Variants in CPEB1 observed in about 807,000 individuals in gnomAD.
The protein encoded by CPEB1 is cytoplasmic polyadenylation element-binding protein 1.
Under a neutral mutation model 65.8 loss-of-function variants are expected in CPEB1, and 7 were observed. The ratio of observed to expected loss-of-function variants is 0.11; its 90% confidence interval spans 0.06 to 0.20. The LOEUF is 0.20. Among genes scored for constraint, CPEB1 ranks in the 10% least tolerant of loss-of-function variants. The pLI, the probability that CPEB1 is intolerant of heterozygous loss-of-function variation, is 1.00. For missense variants in CPEB1, 551 were observed against 712.2 expected, an observed-to-expected ratio of 0.77 and a Z score of 2.58; for synonymous variants, 262 against 260.0, an observed-to-expected ratio of 1.01 and a Z score of -0.08.
chr15:82,644,974 T>C (rs2151398658), intron 1 of CPEB1, among the ~76,000 whole-genome samples: 2 of 152,294 alleles, frequency 1.3e-5, no homozygotes, highest in South Asian at 4.1e-4. Flanking sequence ...CATAGAACCA[T>C]TCCTGTATCA....
chr15:82,603,651 T>C (rs1258355597), intron 3 of CPEB1, among the ~76,000 whole-genome samples: 1 of 152,172 alleles, frequency 6.6e-6, no homozygotes, highest in Admixed American at 6.5e-5. Flanking sequence ...TGGCTCAGTG[T>C]GGAGGGCATA....
chr15:82,565,346 A>G (rs2038950374), intron 4 of CPEB1, among the ~76,000 whole-genome samples: 1 of 152,232 alleles, frequency 6.6e-6, no homozygotes. Context: ...TCATTTCAAG[A>G]AAGAAAACCT....
At chr15:82,646,500 G>A (rs1441845146) in intron 1 of CPEB1, among the ~76,000 whole-genome samples, 1 of 152,120 alleles carries the variant, frequency 6.6e-6, no homozygotes, top group African/African-American at 2.4e-5. Flanking sequence ...GGGCCTGGCG[G>A]GAGGCACCCC....
intron 6 of CPEB1, among the ~76,000 whole-genome samples, chr15:82,555,460 T>G (rs1240259046): frequency 6.6e-6 from 1 of 152,186 alleles, no homozygotes; most frequent in Non-Finnish European, 1.5e-5. Flanking sequence ...CCAGCATGAG[T>G]TGTGTCTGAT....
intron 3 of CPEB1, among the ~76,000 whole-genome samples, chr15:82,582,570 G>T (rs933976848): frequency 1.2e-4 from 18 of 152,008 alleles, no homozygotes; most frequent in African/African-American, 4.3e-4. Flanking sequence ...GGGACTAACT[G>T]ATCCCCTGAC....
At chr15:82,556,953 A>G (rs1014993250) in intron 5 of CPEB1, among the ~76,000 whole-genome samples, 3 of 152,216 alleles carry the variant, frequency 2.0e-5, no homozygotes, top group African/African-American at 7.2e-5. Context: ...AGGTGGTAAA[A>G]TAAGTAATTC....
chr15:82,575,216 A>G (rs1038124193), intron 3 of CPEB1, among the ~76,000 whole-genome samples: 1 of 152,228 alleles, frequency 6.6e-6, no homozygotes, highest in Non-Finnish European at 1.5e-5. Flanking sequence ...CCAGACTTAA[A>G]GCAATTCATT....
At chr15:82,555,763 G>A (rs2037089904) in intron 6 of CPEB1, 107 bp downstream of exon 6, 1 of 1,204,362 alleles carries the variant, frequency 8.3e-7, no homozygotes. Flanking sequence ...ACTTCACCAT[G>A]CAACCAAGCC....
chr15:82,642,639 C>T (rs866590094), intron 1 of CPEB1, among the ~76,000 whole-genome samples: 3 of 152,176 alleles, frequency 2.0e-5, no homozygotes, highest in Admixed American at 6.5e-5. Context: ...ACAAGAGAAG[C>T]AAAATTCTTA....
intron 3 of CPEB1, among the ~76,000 whole-genome samples, chr15:82,599,681 G>C (rs2042942970): frequency 6.6e-6 from 1 of 152,136 alleles, no homozygotes; most frequent in Non-Finnish European, 1.5e-5. Flanking sequence ...AGGAAAAGAA[G>C]TCAATGTTCA....
chr15:82,629,461 T>A (rs915166731), intron 1 of CPEB1: 49 of 980,308 alleles, frequency 5.0e-5, no homozygotes, highest in South Asian at 1.9e-4. Flanking sequence ...TATATATATA[T>A]AAAAAATCAT....
intron 12 of CPEB1, among the ~76,000 whole-genome samples, chr15:82,545,002 CCT>C (rs1439355263): frequency 2.0e-5 from 3 of 152,222 alleles, no homozygotes; most frequent in Non-Finnish European, 4.4e-5. Flanking sequence ...CTCCTATTCC[CCT>C]GCCCTTCTCA....
chr15:82,578,150 A>AAT (rs1793765786), intron 3 of CPEB1, among the ~76,000 whole-genome samples: 1 of 152,092 alleles, frequency 6.6e-6, no homozygotes, highest in African/African-American at 2.4e-5. Context: ...AAAAAAAAAT[A>AAT]AAAAATAAAA....
intron 3 of CPEB1, among the ~76,000 whole-genome samples, chr15:82,603,296 A>G (rs2043278280): frequency 1.3e-5 from 2 of 151,970 alleles, no homozygotes; most frequent in African/African-American, 4.8e-5. Context: ...ATGTGGTTGT[A>G]TTTGACCTAC....
chr15:82,607,348 G>A (rs2043716433), intron 3 of CPEB1, among the ~76,000 whole-genome samples: 1 of 152,192 alleles, frequency 6.6e-6, no homozygotes, highest in Non-Finnish European at 1.5e-5. Context: ...AGCATTTTGG[G>A]AGGCTGAGGC....
intron 1 of CPEB1, among the ~76,000 whole-genome samples, chr15:82,631,421 G>GAA: frequency 1.4e-5 from 2 of 143,592 alleles, no homozygotes; most frequent in African/African-American, 2.5e-5. Flanking sequence ...AATTTGGAAG[G>GAA]AAAAAAAAAA....
At chr15:82,598,125 G>A (rs1430981179) in intron 3 of CPEB1, among the ~76,000 whole-genome samples, 1 of 152,198 alleles carries the variant, frequency 6.6e-6, no homozygotes, top group Non-Finnish European at 1.5e-5. Flanking sequence ...CCTGAGAGCA[G>A]GCTAGCATAA....
intron 1 of CPEB1, chr15:82,638,651 A>T (rs2046858479): frequency 6.6e-6 from 1 of 152,206 alleles, no homozygotes; most frequent in South Asian, 2.1e-4. Flanking sequence ...AAGAAAAAAA[A>T]GGTTTTCAAA....
At chr15:82,621,918 C>T (rs537401891) in intron 3 of CPEB1, among the ~76,000 whole-genome samples, 1 of 152,312 alleles carries the variant, frequency 6.6e-6, no homozygotes, top group African/African-American at 2.4e-5. Flanking sequence ...AATGGCATCT[C>T]AGTGAATTAA....
Sources: gnomAD v4.1 joint callset for allele counts (sites outside exome capture counted in the v4.1 genomes callset) on GRCh38, gnomAD v4.1.1 for gene constraint, MANE v1.5 for transcripts, NCBI Gene and HGNC (gene_info 2026-07-23, HGNC 2026-07-21) for gene names.